Variants in NRG3 observed in about 807,000 individuals in gnomAD.
NRG3 encodes pro-neuregulin-3, membrane-bound isoform.
In NRG3, 31 loss-of-function variants were observed where a neutral mutation model predicts 66.9. The observed-to-expected ratio is 0.46, with a 90% CI of 0.35 to 0.63. The LOEUF is 0.63. Among genes scored for constraint, NRG3 ranks in the 20% least tolerant of loss-of-function variants. NRG3 has a pLI of 0.00. For synonymous variants in NRG3, 393 were observed against 359.4 expected (o/e 1.09, Z -1.06); for missense variants, 910 against 878.9 (o/e 1.04, Z -0.45).
Position 82,011,206 on chromosome 10 carries a change from A to G in NRG3, c.823+135043A>G, listed in dbSNP as rs139144221. Among the ~76,000 whole-genome samples the G allele has an allele frequency of 3.8e-3, 581 of 152,276 alleles. 2 individuals are homozygous for G. The highest frequency in any genetic ancestry group is 0.013 in the African/African-American group (555 of 41,556). On this transcript the variant is annotated intron_variant, in intron 1 of 8. Transcript: ENST00000372141. ...CTCACAATCATGGTGGAATGAAAGG[A>G]GAAGCAAGCCACGTCTTAAATGATA...
At chr10:82,916,506 C>T (rs1305707456) in intron 4 of NRG3, among the ~76,000 whole-genome samples, 1 of 152,132 alleles carries the variant, frequency 6.6e-6, no homozygotes, top group Non-Finnish European at 1.5e-5. Flanking sequence ...AGCAATGTAG[C>T]AAAGTTCCAG....
chr10:82,190,522 A>AT (rs1285795829), intron 1 of NRG3, among the ~76,000 whole-genome samples: 8 of 152,258 alleles, frequency 5.3e-5, no homozygotes, highest in Non-Finnish European at 1.0e-4. Context: ...AAAACATGTG[A>AT]TTTTTCCTTC....
chr10:82,836,457 G>T (rs1378835648), intron 3 of NRG3, among the ~76,000 whole-genome samples: 1 of 152,132 alleles, frequency 6.6e-6, no homozygotes, highest in African/African-American at 2.4e-5. Context: ...GCTTACAAAT[G>T]CACAGGCAGA....
chr10:82,012,972 G>A (rs1175847404), intron 1 of NRG3, among the ~76,000 whole-genome samples: 5 of 152,100 alleles, frequency 3.3e-5, no homozygotes, highest in African/African-American at 9.7e-5. Context: ...TCCAAACTCT[G>A]CCTGTTACCC....
chr10:82,018,342 G>A (rs1464505772), intron 1 of NRG3, among the ~76,000 whole-genome samples: 1 of 152,122 alleles, frequency 6.6e-6, no homozygotes, highest in East Asian at 1.9e-4. Context: ...CTATAGCCTT[G>A]TAGTATAGTT....
chr10:82,215,185 G>T (rs2075603163), intron 1 of NRG3, among the ~76,000 whole-genome samples: 1 of 152,152 alleles, frequency 6.6e-6, no homozygotes, highest in African/African-American at 2.4e-5. Flanking sequence ...ATTATTTGCT[G>T]TATTTCTGGA....
At chr10:82,417,535 T>C (rs1046697393) in intron 2 of NRG3, among the ~76,000 whole-genome samples, 2 of 152,216 alleles carry the variant, frequency 1.3e-5, no homozygotes, top group Non-Finnish European at 2.9e-5. Flanking sequence ...GGACCACTTA[T>C]TGAGTACTTC....
chr10:82,699,523 G>A lies in NRG3; in HGVS notation c.954-39054G>A, dbSNP rs112347249. Among the ~76,000 whole-genome samples the A allele has an allele frequency of 5.7e-3, 864 of 151,968 alleles. 6 individuals carry two copies. Among genetic ancestry groups the A allele is most frequent in the African/African-American group, 0.02 (811 of 41,452 alleles). The stretch of plus-strand genomic sequence containing the variant: ...ATTGTCAAGCTAGCCTTAAGACCTC[G>A]TTCCTCCCTTCTAAACTATTGGCCA... On this transcript the variant is annotated intron_variant, in intron 2 of 8. Coordinates refer to ENST00000372141, the MANE Select transcript of NRG3 (RefSeq NM_001010848.4).
At chr10:82,597,876 G>A (rs539172807) in intron 2 of NRG3, among the ~76,000 whole-genome samples, 2 of 150,586 alleles carry the variant, frequency 1.3e-5, no homozygotes, top group Admixed American at 6.6e-5. Flanking sequence ...AGCCGAGATC[G>A]CGCCATTGCA....
chr10:82,048,593 C>T (rs1339743242), intron 1 of NRG3, among the ~76,000 whole-genome samples: 1 of 149,720 alleles, frequency 6.7e-6, no homozygotes, highest in African/African-American at 2.4e-5. Flanking sequence ...GGGACACATT[C>T]AAAGCAGTGT....
chr10:82,536,883 T>G (rs1401687584), intron 2 of NRG3, among the ~76,000 whole-genome samples: 3 of 151,396 alleles, frequency 2.0e-5, no homozygotes, highest in Middle Eastern at 3.4e-3. Flanking sequence ...TAAATTGATT[T>G]TATTATTAAA....
chr10:82,036,503 G>A (rs1009973765), intron 1 of NRG3, among the ~76,000 whole-genome samples: 3 of 152,070 alleles, frequency 2.0e-5, no homozygotes, highest in African/African-American at 7.2e-5. Context: ...TTTAAGCTTA[G>A]CCCTTATGAT....
intron 2 of NRG3, among the ~76,000 whole-genome samples, chr10:82,603,806 CA>C (rs2047789609): frequency 2.0e-5 from 3 of 151,882 alleles, no homozygotes; most frequent in East Asian, 1.9e-4. Context: ...AAAATAAAGG[CA>C]AAAAACTTGT....
At chr10:82,306,287 G>T (rs927613362) in intron 1 of NRG3, among the ~76,000 whole-genome samples, 4 of 152,106 alleles carry the variant, frequency 2.6e-5, no homozygotes, top group African/African-American at 9.7e-5. Flanking sequence ...GGTAATATTG[G>T]TGTATAATAG....
chr10:82,149,944 T>A (rs2070578181), intron 1 of NRG3, among the ~76,000 whole-genome samples: 1 of 152,120 alleles, frequency 6.6e-6, no homozygotes, highest in Non-Finnish European at 1.5e-5. Flanking sequence ...AGTCCTTAAA[T>A]GAGGAAATCT....
chr10:82,376,391 A>G lies in NRG3; in HGVS notation c.953+17523A>G, dbSNP rs138923194. Among the ~76,000 whole-genome samples, 553 of 152,304 alleles carry G rather than the reference A, an allele frequency of 3.6e-3. 1 individual carries two copies. The highest frequency in any genetic ancestry group is 0.013 in the African/African-American group (523 of 41,554). On this transcript the variant is annotated intron_variant, in intron 2 of 8. Coordinates refer to ENST00000372141, the MANE Select transcript of NRG3 (RefSeq NM_001010848.4). ...CTCTACTCTTCTGCCACAGGCCTCC[A>G]CTGGGGCTTCCCAGGTCCTTGAAAC...
intron 3 of NRG3, among the ~76,000 whole-genome samples, chr10:82,753,636 T>C (rs17399528): frequency 0.061 from 9,243 of 151,990 alleles, 919 homozygotes; most frequent in African/African-American, 0.2. Flanking sequence ...ATTGTGGCTA[T>C]TGGGTTTTGT....
intron 1 of NRG3, among the ~76,000 whole-genome samples, chr10:81,985,778 C>A (rs1412734729): frequency 6.6e-6 from 1 of 152,240 alleles, no homozygotes; most frequent in Non-Finnish European, 1.5e-5. Context: ...GAATCACCCA[C>A]ATGAGTGGGT....
At chr10:81,967,017 C>T (rs1306695892) in intron 1 of NRG3, among the ~76,000 whole-genome samples, 2 of 151,794 alleles carry the variant, frequency 1.3e-5, no homozygotes, top group African/African-American at 4.8e-5. Context: ...TTTGTCTTTT[C>T]AAGAACATTA....
Sources: gnomAD v4.1 joint callset for allele counts (sites outside exome capture counted in the v4.1 genomes callset) on GRCh38, gnomAD v4.1.1 for gene constraint, MANE v1.5 for transcripts, NCBI Gene and HGNC (gene_info 2026-07-23, HGNC 2026-07-21) for gene names.